The following THADA variants were observed in gnomAD, a reference collection of about 807,000 sequenced individuals.
THADA encodes the protein THADA armadillo repeat containing.
Under a neutral mutation model 219.8 loss-of-function variants are expected in THADA, and 213 were observed. The ratio of observed to expected loss-of-function variants is 0.97; its 90% confidence interval spans 0.87 to 1.09. The LOEUF is 1.09. Ranked by LOEUF, THADA falls within the 50% of genes least tolerant of loss-of-function variation. The pLI is 0.00. For missense variants in THADA, 2,956 were observed against 2,311.3 expected, an observed-to-expected ratio of 1.28 and a Z score of -5.72; for synonymous variants, 1,018 against 828.9, an observed-to-expected ratio of 1.23 and a Z score of -3.92.
chr2:43,326,356 CA>C (rs1426755584), intron 30 of THADA, among the ~76,000 whole-genome samples: 2 of 151,896 alleles, frequency 1.3e-5, no homozygotes, highest in Non-Finnish European at 2.9e-5. Flanking sequence ...AAAGTGACCA[CA>C]ACAGAGGAAG....
intron 26 of THADA, among the ~76,000 whole-genome samples, chr2:43,436,271 G>A (rs907392902): frequency 2.0e-5 from 3 of 152,152 alleles, no homozygotes; most frequent in African/African-American, 7.2e-5. Context: ...GAATAACCTT[G>A]ACACCTGGGA....
intron 28 of THADA, among the ~76,000 whole-genome samples, chr2:43,423,044 C>T (rs1428391341): frequency 6.6e-6 from 1 of 152,192 alleles, no homozygotes; most frequent in Non-Finnish European, 1.5e-5. Flanking sequence ...CAAGCATTTG[C>T]CCAATGCCCA....
At position 43,498,928 on chromosome 2, in the gene THADA, A is replaced by G. The variant is rs1688602245; in HGVS notation, c.3649T>C (p.Leu1217=). The change falls in exon 25 of 38, where the codon TTG becomes CTG. Residue 1217 remains leucine (L), a synonymous_variant. Transcript: ENST00000405975. ...QVHALNILRA[L]FRDTRLGENI... ...TCTCCCAGGCGCGTATCTCTGAACA[A>G]TGCTCTAAGGATATTTAAAGCATGA... is the stretch of plus-strand genomic sequence containing the variant. 6.3e-7 allele frequency: 1 copy of G among 1,582,426 alleles called. No individual in the cohort carries two copies. The highest frequency in any genetic ancestry group is 8.6e-7 in the Non-Finnish European group (1 of 1,163,530).
At chr2:43,401,113 G>T (rs1312243146) in intron 28 of THADA, among the ~76,000 whole-genome samples, 1 of 152,110 alleles carries the variant, frequency 6.6e-6, no homozygotes, top group Admixed American at 6.5e-5. Context: ...CCTAAGCTAT[G>T]TTCTAGGCCT....
chr2:43,520,503 C>G (rs1166933079), intron 22 of THADA, among the ~76,000 whole-genome samples: 2 of 152,018 alleles, frequency 1.3e-5, no homozygotes, highest in Non-Finnish European at 2.9e-5. Context: ...GCCTGGGCAA[C>G]ACGGCACAAG....
At chr2:43,321,742 G>GA (rs1197631953) in intron 30 of THADA, among the ~76,000 whole-genome samples, 4 of 152,198 alleles carry the variant, frequency 2.6e-5, no homozygotes, top group African/African-American at 9.7e-5. Flanking sequence ...GAGTCACTGT[G>GA]AGTGTTCAAT....
chr2:43,365,056 G>C (rs1669972120), intron 29 of THADA, among the ~76,000 whole-genome samples: 1 of 151,060 alleles, frequency 6.6e-6, no homozygotes, highest in Admixed American at 6.6e-5. Flanking sequence ...CTCCCGAGTA[G>C]CTGGGATTAC....
chr2:43,320,412 C>T (rs748927353), intron 31 of THADA, 34 bp downstream of exon 31: 35 of 1,543,684 alleles, frequency 2.3e-5, no homozygotes, highest in African/African-American at 5.5e-5. Flanking sequence ...AGATGTGTAA[C>T]GATTCCAAAA....
chr2:43,250,658 G>A (rs148128285), intron 36 of THADA, among the ~76,000 whole-genome samples: 5 of 152,182 alleles, frequency 3.3e-5, no homozygotes, highest in Non-Finnish European at 7.4e-5. Context: ...AAACCCAGGA[G>A]TTTGAGACCA....
At chr2:43,487,175 G>C (rs1031318652) in intron 25 of THADA, among the ~76,000 whole-genome samples, 1 of 152,030 alleles carries the variant, frequency 6.6e-6, no homozygotes, top group Non-Finnish European at 1.5e-5. Flanking sequence ...ATTCAGGTCT[G>C]GATTATCTTC....
At chr2:43,292,725 G>T in intron 32 of THADA, 109 bp downstream of exon 32, 1 of 1,357,434 alleles carries the variant, frequency 7.4e-7, no homozygotes, top group Non-Finnish European at 1.0e-6. Context: ...ACTTCCTATT[G>T]CCCCTGGAGA....
chr2:43,586,506 T>C (rs1000060435), intron 6 of THADA, 57 bp from the exon 7 acceptor site: 3 of 1,433,048 alleles, frequency 2.1e-6, no homozygotes, highest in Non-Finnish European at 1.9e-6. Flanking sequence ...TCAATTTCAA[T>C]AAAATAAAAT....
chr2:43,427,297 C>T (rs186656503), intron 28 of THADA, among the ~76,000 whole-genome samples: 61 of 152,222 alleles, frequency 4.0e-4, no homozygotes, highest in African/African-American at 1.3e-3. Flanking sequence ...ACAGGAATAA[C>T]GCAAACATGG....
chr2:43,334,348 A>G (rs578009045), intron 30 of THADA, among the ~76,000 whole-genome samples: 1 of 152,176 alleles, frequency 6.6e-6, no homozygotes, highest in South Asian at 2.1e-4. Context: ...GGAAAGCTGG[A>G]CAGGGAAGTG....
intron 28 of THADA, among the ~76,000 whole-genome samples, chr2:43,402,953 T>A (rs1675050523): frequency 6.6e-6 from 1 of 152,168 alleles, no homozygotes; most frequent in South Asian, 2.1e-4. Context: ...AAACTGCCCC[T>A]CAGGGCACCC....
intron 29 of THADA, among the ~76,000 whole-genome samples, chr2:43,362,372 G>T (rs939902102): frequency 6.6e-6 from 1 of 152,186 alleles, no homozygotes; most frequent in African/African-American, 2.4e-5. Flanking sequence ...TTTAATGACA[G>T]GCATACATTC....
At chr2:43,500,070 T>C (rs1688748064) in intron 24 of THADA, among the ~76,000 whole-genome samples, 2 of 152,034 alleles carry the variant, frequency 1.3e-5, no homozygotes, top group African/African-American at 4.8e-5. Context: ...TAAAAAATAT[T>C]ATCAAAGAGT....
In THADA at chr2:43,308,758, CA is replaced by C. The variant is rs57697839; in HGVS notation, c.4438+11687del. Among the ~76,000 whole-genome samples, 206 of 50,852 alleles carry C rather than the reference CA, an allele frequency of 4.1e-3. 33 individuals are homozygous for C. Among genetic ancestry groups the C allele is most frequent in the East Asian group, 0.018 (16 of 910 alleles). 33.4% of individuals were successfully genotyped at this position (50,852 alleles called of 152,430 possible). A position where few individuals can be genotyped will look rare whatever the true frequency, so the allele number is the denominator to read the frequency against. On this transcript the variant is annotated intron_variant, in intron 31 of 37. Transcript: ENST00000405975. ...GTGCTGAAACATTGGATACCCATAC[CA>C]AAAAAAAAAAAAAAAAAAAAAAAAA...
intron 20 of THADA, among the ~76,000 whole-genome samples, chr2:43,541,845 T>A (rs982638109): frequency 2.6e-5 from 4 of 152,184 alleles, no homozygotes; most frequent in Non-Finnish European, 4.4e-5. Flanking sequence ...AAACACAATA[T>A]TGTTCCAAAA....
Sources: gnomAD v4.1 joint callset for allele counts (sites outside exome capture counted in the v4.1 genomes callset) on GRCh38, gnomAD v4.1.1 for gene constraint, MANE v1.5 for transcripts, NCBI Gene and HGNC (gene_info 2026-07-23, HGNC 2026-07-21) for gene names.